The following FAM234B variants were observed in gnomAD, a reference collection of about 807,000 sequenced individuals.
The protein encoded by FAM234B is family with sequence similarity 234 member B.
A neutral mutation model predicts 69.3 loss-of-function variants in FAM234B; 33 were observed. The ratio of observed to expected loss-of-function variants is 0.48; its 90% CI spans 0.36 to 0.64. The LOEUF (loss-of-function observed/expected upper bound fraction) is 0.64, where lower values mean the gene tolerates loss of function less well. Ranked by LOEUF, FAM234B falls within the 30% of genes least tolerant of loss-of-function variation. The probability of loss-of-function intolerance (pLI) is 0.00; values close to 1 mark genes in which losing one functional copy is unlikely to be tolerated. For synonymous variants in FAM234B, 306 were observed against 306.9 expected (o/e 1.00, Z 0.03); for missense variants, 697 against 769.7 (o/e 0.91, Z 1.12).
At chr12:13,075,914 A>G (rs1240008807) in intron 10 of FAM234B, 112 bp from the exon 11 acceptor site, 2 of 796,132 alleles carry the variant, frequency 2.5e-6, no homozygotes, top group East Asian at 2.4e-5. Context: ...AGGCATTAGC[A>G]TCTGAGAGGA....
At chr12:13,046,637 T>G (rs1241586420) in intron 1 of FAM234B, among the ~76,000 whole-genome samples, 6 of 152,134 alleles carry the variant, frequency 3.9e-5, no homozygotes, top group Non-Finnish European at 7.4e-5. Flanking sequence ...ATTTTGTATT[T>G]TTAGTAGAGA....
intron 1 of FAM234B, among the ~76,000 whole-genome samples, chr12:13,052,916 A>G (rs1324510749): frequency 1.3e-5 from 2 of 152,202 alleles, no homozygotes; most frequent in Non-Finnish European, 2.9e-5. Flanking sequence ...CTAACAACCC[A>G]TGGCTCTGTA....
rs1865267659 is a variant in FAM234B, at chr12:13,083,422, G to A, written c.*2792G>A. The A allele has an allele frequency of 6.6e-6, 1 of 152,358 alleles. No individual in the cohort carries two copies. The highest frequency in any genetic ancestry group is 2.1e-4 in the South Asian group (1 of 4,818). 9.4% of individuals were successfully genotyped at this position (152,358 alleles called of 1,614,324 possible). A position where few individuals can be genotyped will look rare whatever the true frequency, so the allele number is the denominator to read the frequency against. ...ACTATTTAAAATGTGAACTGTTATA[G>A]AGTAAATAAATAAATACTCTACAGG... On this transcript the variant is annotated 3_prime_UTR_variant, in exon 13 of 13. Coordinates refer to ENST00000197268, the MANE Select transcript of FAM234B (RefSeq NM_020853.2).
rs1211190135 is a variant in FAM234B, at chr12:13,044,691, C to G, written c.37+251C>G. On this transcript the variant is annotated intron_variant, in intron 1 of 12. Transcript: ENST00000197268. This position sits in a 1 kb window ranked among gnomAD's most constrained non-coding sequence, Gnocchi z 5.6. ...AGACGCGCGGGGAGAGGGCGCCGAGCAGGTGTTACGGCGGGGAATGTCAGA... is the reference window on the plus strand; with the variant it reads ...AGACGCGCGGGGAGAGGGCGCCGAGGAGGTGTTACGGCGGGGAATGTCAGA... 6.6e-6 allele frequency among the ~76,000 whole-genome samples: 1 copy of G among 152,194 alleles called. No homozygotes were observed. The highest frequency in any genetic ancestry group is 6.5e-5 in the Admixed American group (1 of 15,286).
chr12:13,072,911 A>T (rs1378299221), intron 10 of FAM234B, among the ~76,000 whole-genome samples: 3 of 152,076 alleles, frequency 2.0e-5, no homozygotes, highest in African/African-American at 7.2e-5. Flanking sequence ...AGCCCTTTAA[A>T]GATTTCTTAA....
intron 10 of FAM234B, among the ~76,000 whole-genome samples, chr12:13,075,594 C>T (rs1865150074): frequency 1.4e-5 from 2 of 147,210 alleles, no homozygotes; most frequent in South Asian, 4.5e-4. Context: ...TACCACCAAG[C>T]CCAGCTTTTT....
intron 11 of FAM234B, among the ~76,000 whole-genome samples, chr12:13,078,282 C>T (rs965160258): frequency 4.6e-5 from 7 of 152,116 alleles, no homozygotes; most frequent in Non-Finnish European, 1.0e-4. Context: ...AATTAGATCC[C>T]GTTTGTCAAT....
At chr12:13,060,588 G>A (rs1276412635) in intron 3 of FAM234B, among the ~76,000 whole-genome samples, 1 of 150,340 alleles carries the variant, frequency 6.7e-6, no homozygotes, top group African/African-American at 2.5e-5. Context: ...ACCTCTGTTT[G>A]TCATATATAT....
Position 13,061,680 on chromosome 12 carries a change from A to G in FAM234B, c.638A>G (p.Glu213Gly), listed in dbSNP as rs181631040. Reference protein sequence around the residue: ...PEEARDITCLELMPGSLAETI... With the variant: ...PEEARDITCLGLMPGSLAETI... ...GAGGCTCGAGATATCACATGTTTGG[A>G]GCTGATGCCAGGAAGCTTGGCTGAA... Residue 213 changes from glutamate to glycine, a missense_variant, in exon 4 of 13, where the codon GAG becomes GGG. Physicochemically the swap from Glu to Gly is moderately conservative, Grantham distance 98 (BLOSUM62 -2). Around this residue, in one of 3 missense-constraint regions of FAM234B, gnomAD observed 380 missense variants for 447.1 expected, o/e 0.85. Coordinates refer to ENST00000197268, the MANE Select transcript of FAM234B (RefSeq NM_020853.2). 2.8e-5 allele frequency: 45 copies of G among 1,614,062 alleles called. No individual in the cohort carries two copies. In the African/African-American group the frequency reaches 4.7e-4, roughly 17 times the overall value.
In FAM234B at chr12:13,064,603, A is replaced by G. The variant is rs189732154; in HGVS notation, c.852+1628A>G. On this transcript the variant is annotated intron_variant, in intron 5 of 12. Coordinates refer to ENST00000197268, the MANE Select transcript of FAM234B (RefSeq NM_020853.2). ...TTGGTCTCTACTCAGTGTATTGCCC[A>G]TCTTGCCCTACAGAATTTACTTGTT... is the stretch of plus-strand genomic sequence containing the variant. 6.4e-4 allele frequency among the ~76,000 whole-genome samples: 98 copies of G among 152,266 alleles called. 1 individual carries two copies. Among genetic ancestry groups the G allele is most frequent in the Admixed American group, 3.1e-3 (48 of 15,298 alleles).
intron 1 of FAM234B, among the ~76,000 whole-genome samples, chr12:13,052,142 G>A (rs1231178274): frequency 6.6e-6 from 1 of 152,024 alleles, no homozygotes; most frequent in Non-Finnish European, 1.5e-5. Flanking sequence ...TGTGAGAGAG[G>A]GATCCCAGAA....
chr12:13,078,120 G>T (rs553641669), intron 11 of FAM234B, among the ~76,000 whole-genome samples: 8 of 151,526 alleles, frequency 5.3e-5, no homozygotes, highest in African/African-American at 4.8e-5. Flanking sequence ...GGGGTTGTTT[G>T]TTTTTTTCTT....
At chr12:13,066,596 G>C (rs377482863) in intron 5 of FAM234B, 44 bp from the exon 6 acceptor site, 2 of 1,561,728 alleles carry the variant, frequency 1.3e-6, no homozygotes, top group Non-Finnish European at 8.7e-7. Flanking sequence ...ATTAGCAAAC[G>C]ATAGGGCTTC....
chr12:13,079,939 C>T lies in FAM234B; in HGVS notation c.1793C>T (p.Thr598Ile), dbSNP rs747445513. The T allele has an allele frequency of 1.2e-5, 19 of 1,613,554 alleles. No individual in the cohort carries two copies. The South Asian group carries it at 1.6e-4, about 14-fold the overall frequency. ...CAGATGGCTCAGCTACAGGAGTCCACCCCCAAAATTGGCCGTGGGGAGCTG... is the reference window on the plus strand; with the variant it reads ...CAGATGGCTCAGCTACAGGAGTCCATCCCCAAAATTGGCCGTGGGGAGCTG... The part of the protein sequence containing the change: ...EGQMAQLQES[T>I]PKIGRGELRR... Residue 598 changes from threonine to isoleucine, a missense_variant, in exon 12 of 13, where the codon ACC becomes ATC. Physicochemically the swap from Thr to Ile is moderately conservative, Grantham distance 89. Coordinates refer to ENST00000197268, the MANE Select transcript of FAM234B (RefSeq NM_020853.2).
In FAM234B at chr12:13,047,683, A is replaced by T. The variant is rs1466995921; in HGVS notation, c.37+3243A>T. ...ATTTATAATGATTTGTTATGAAATCAGTGCCCTCTCCCTTATTCTTTGAAA... is the reference window on the plus strand; with the variant it reads ...ATTTATAATGATTTGTTATGAAATCTGTGCCCTCTCCCTTATTCTTTGAAA... On this transcript the variant is annotated intron_variant, in intron 1 of 12. Transcript: ENST00000197268. Among the ~76,000 whole-genome samples the T allele has an allele frequency of 2.6e-5, 4 of 152,242 alleles. No individual in the cohort carries two copies. The East Asian group carries it at 7.7e-4, about 29-fold the overall frequency.
rs746536773 is a variant in FAM234B at position 13,062,960 on chromosome 12, C to T, written c.837C>T (p.Ala279=). Residue 279 remains alanine, a synonymous_variant, in exon 5 of 13, where the codon GCC becomes GCT. Transcript: ENST00000197268. ...EDGVRDLVVL[A]IGELQPDLCF... is the part of the protein sequence containing the mutation. ...GTGTTCGAGACCTTGTGGTTCTGGC[C>T]ATTGGGGAATTGCAGGTATGATCTC... 1.9e-6 allele frequency: 3 copies of T among 1,613,794 alleles called. No individual in the cohort carries two copies. In the African/African-American group the frequency reaches 4.0e-5, roughly 22 times the overall value.
At chr12:13,055,469 T>G (rs1864918031) in intron 1 of FAM234B, 82 bp from the exon 2 acceptor site, 3 of 1,340,568 alleles carry the variant, frequency 2.2e-6, no homozygotes, top group African/African-American at 2.9e-5. Flanking sequence ...CGTGTTCTTC[T>G]GGGTATTTAC....
chr12:13,082,085 A>G lies in FAM234B; in HGVS notation c.*1455A>G, dbSNP rs1865239443. 1 of 150,966 alleles carries G rather than the reference A, an allele frequency of 6.6e-6. No homozygotes were observed. The highest frequency in any genetic ancestry group is 6.6e-5 in the Admixed American group (1 of 15,082). The allele number at this position is 150,966 out of a possible 1,614,324, so 9.4% of individuals were successfully genotyped here. A position where few individuals can be genotyped will look rare whatever the true frequency, so the allele number is the denominator to read the frequency against. On this transcript the variant is annotated 3_prime_UTR_variant, in exon 13 of 13. Transcript: ENST00000197268. ...GCGATTCTCCAGCCTTAGCCTCCCA[A>G]GTAGCTGGGACTACAGGTGCCCGCT...
intron 1 of FAM234B, among the ~76,000 whole-genome samples, chr12:13,052,094 C>G (rs1864882996): frequency 1.3e-5 from 2 of 152,112 alleles, no homozygotes; most frequent in Non-Finnish European, 1.5e-5. Flanking sequence ...TCATATGTCT[C>G]TTATGATTGA....
Sources: gnomAD v4.1 joint callset for allele counts (sites outside exome capture counted in the v4.1 genomes callset) on GRCh38, gnomAD v4.1.1 for gene constraint, gnomAD v4.1.1 regional missense constraint, Gnocchi (gnomAD v3.1) non-coding constraint, MANE v1.5 for transcripts, NCBI Gene and HGNC (gene_info 2026-07-23, HGNC 2026-07-21) for gene names.